The following BAIAP2 variants were observed in gnomAD, a reference collection of about 807,000 sequenced individuals.
BAIAP2 encodes BAR/IMD domain-containing adapter protein 2.
BAIAP2 carries 18 observed loss-of-function variants against 63.0 expected under a neutral mutation model. That is an observed-to-expected ratio of 0.29 (90% CI 0.20 to 0.42). The LOEUF is 0.42. Ranked by LOEUF, BAIAP2 falls within the 10% of genes least tolerant of loss-of-function variation. The pLI is 1.00. For synonymous variants in BAIAP2, 386 were observed against 307.6 expected (o/e 1.25, Z -2.67); for missense variants, 610 against 734.3 (o/e 0.83, Z 1.96).
chr17:81,112,402 G>C (rs1365569397), intron 13 of BAIAP2, among the ~76,000 whole-genome samples: 1 of 152,258 alleles, frequency 6.6e-6, no homozygotes, highest in Non-Finnish European at 1.5e-5. Flanking sequence ...CAACTCAGCT[G>C]GGATTGGGGG....
chr17:81,092,564 A>G (rs538175233), intron 6 of BAIAP2, among the ~76,000 whole-genome samples: 2 of 152,012 alleles, frequency 1.3e-5, no homozygotes, highest in East Asian at 2.0e-4. Flanking sequence ...TGTAATTGAG[A>G]TGGTGTTTTG....
intron 7 of BAIAP2, among the ~76,000 whole-genome samples, chr17:81,102,162 C>T (rs961915404): frequency 8.5e-5 from 13 of 152,308 alleles, no homozygotes; most frequent in African/African-American, 2.2e-4. Context: ...CACTTAGAGA[C>T]GAGCCTCTGG....
At position 81,111,038 on chromosome 17, in the gene BAIAP2, C is replaced by G. The variant is rs1357037740; in HGVS notation, c.1535+2529C>G. The G allele has an allele frequency of 3.2e-6, 5 of 1,569,104 alleles. No homozygotes were observed. The African/African-American group carries it at 6.8e-5, about 21-fold the overall frequency. On this transcript the variant is annotated intron_variant, in intron 13 of 13. Transcript: ENST00000428708. ...GGGCCCTCTGGCCTCAGTCACGCAGCCTGGGTGGGGAGGGCCCGGCTGCAT... is the reference window on the plus strand; with the variant it reads ...GGGCCCTCTGGCCTCAGTCACGCAGGCTGGGTGGGGAGGGCCCGGCTGCAT...
At chr17:81,066,068 G>T (rs528338762) in intron 3 of BAIAP2, among the ~76,000 whole-genome samples, 8 of 152,372 alleles carry the variant, frequency 5.3e-5, no homozygotes, top group Admixed American at 1.3e-4. Context: ...TTGTCCAACT[G>T]CTCTGTGGCC....
At chr17:81,100,156 C>G in intron 7 of BAIAP2, 76 bp downstream of exon 7, 2 of 1,503,700 alleles carry the variant, frequency 1.3e-6, no homozygotes, top group Non-Finnish European at 1.8e-6. Flanking sequence ...TGCCCCAGCC[C>G]CAGCCCCGTG....
At chr17:81,103,476 C>T (rs772298350) in intron 7 of BAIAP2, 26 bp from the exon 8 acceptor site, 7 of 1,540,938 alleles carry the variant, frequency 4.5e-6, no homozygotes, top group South Asian at 2.4e-5. Context: ...GCCCTGACCC[C>T]TCCCTTCCTG....
intron 6 of BAIAP2, among the ~76,000 whole-genome samples, chr17:81,093,102 G>A (rs1258795265): frequency 9.7e-6 from 1 of 102,866 alleles, no homozygotes; most frequent in East Asian, 3.0e-4. Flanking sequence ...GGCTGGGCTG[G>A]GCTGGGCTGG....
At chr17:81,089,192 C>T (rs191595219) in intron 6 of BAIAP2, among the ~76,000 whole-genome samples, 82 of 152,376 alleles carry the variant, frequency 5.4e-4, no homozygotes, top group African/African-American at 1.7e-3. Context: ...TGTCTGTTTG[C>T]TGCATGTCCT....
In BAIAP2 at chr17:81,106,904, C is replaced by T; in HGVS notation, c.1497C>T (p.Ser499=). 5.8e-6 allele frequency: 9 copies of T among 1,544,608 alleles called. No individual in the cohort carries two copies. Among genetic ancestry groups the T allele is most frequent in the South Asian group, 2.5e-5 (2 of 81,066 alleles). The change falls in exon 12 of 14, where the codon TCC becomes TCT. Residue 499 remains serine (S), a synonymous_variant. Transcript: ENST00000428708. ...ACAGTGTGGCCGTGCCCGCCTTCTC[C>T]CAGGTCAGTGGGCGGGGCCGGGGCT... ...RPYSVAVPAF[S]QGLDDYGARS... is the part of the protein sequence containing the mutation.
intron 2 of BAIAP2, among the ~76,000 whole-genome samples, chr17:81,056,946 G>GCGTTTTTCTGCTGTTGCGTTT: frequency 6.6e-6 from 1 of 152,328 alleles, no homozygotes; most frequent in Non-Finnish European, 1.5e-5. Flanking sequence ...TTTTTCTTTT[G>GCGTTTTTCTGCTGTTGCGTTT]TTCGAGGCAG....
At position 81,110,154 on chromosome 17, in the gene BAIAP2, T is replaced by G. The variant is rs1389799211; in HGVS notation, c.1535+1645T>G. 11 of 985,502 alleles carry G rather than the reference T, an allele frequency of 1.1e-5. No individual in the cohort carries two copies. The Admixed American group carries it at 2.5e-4, about 22-fold the overall frequency. 61.0% of individuals were successfully genotyped at this position (985,502 alleles called of 1,614,324 possible). On this transcript the variant is annotated intron_variant, in intron 13 of 13. Coordinates refer to ENST00000428708, the MANE Select transcript of BAIAP2 (RefSeq NM_001144888.2). ...AGCCCCTGGGAAGCTGCGGCGCTCC[T>G]TTATCTGATGTGGTTTAGTAAAAGC...
At chr17:81,082,772 G>A (rs1191075886) in intron 3 of BAIAP2, among the ~76,000 whole-genome samples, 1 of 152,232 alleles carries the variant, frequency 6.6e-6, no homozygotes, top group African/African-American at 2.4e-5. Flanking sequence ...GCCAGGAGGT[G>A]CCTGAGATGC....
At chr17:81,036,401 G>T (rs2046272692) in intron 1 of BAIAP2, among the ~76,000 whole-genome samples, 1 of 152,230 alleles carries the variant, frequency 6.6e-6, no homozygotes, top group South Asian at 2.1e-4. Flanking sequence ...CACCCTGCCC[G>T]GCAGAGTAAC....
intron 1 of BAIAP2, among the ~76,000 whole-genome samples, chr17:81,035,707 CGGGGCGGCG>C (rs564873589): frequency 2.0e-5 from 3 of 151,766 alleles, no homozygotes; most frequent in South Asian, 2.1e-4. Context: ...CGGGCAGGGC[CGGGGCGGCG>C]GGGGCGGCGG....
chr17:81,086,270 ACT>A (rs946780474), intron 5 of BAIAP2, among the ~76,000 whole-genome samples, 171 bp from the exon 6 acceptor site: 6 of 151,558 alleles, frequency 4.0e-5, no homozygotes, highest in Non-Finnish European at 7.4e-5. Context: ...GCTCTCCCCA[ACT>A]CTGATTTGCA....
intron 3 of BAIAP2, among the ~76,000 whole-genome samples, chr17:81,082,389 C>T (rs2054788621): frequency 6.6e-6 from 1 of 152,214 alleles, no homozygotes; most frequent in Non-Finnish European, 1.5e-5. Flanking sequence ...TTCACGGTGG[C>T]CAGGCCCAGG....
intron 7 of BAIAP2, among the ~76,000 whole-genome samples, chr17:81,100,498 C>T (rs2058342540): frequency 6.6e-6 from 1 of 152,096 alleles, no homozygotes; most frequent in Non-Finnish European, 1.5e-5. Context: ...TTCCTGTGGC[C>T]CCTCTATCCA....
intron 3 of BAIAP2, among the ~76,000 whole-genome samples, chr17:81,071,200 G>A (rs2052586621): frequency 2.0e-5 from 3 of 152,196 alleles, no homozygotes; most frequent in Non-Finnish European, 2.9e-5. Flanking sequence ...AGAAGCTGGT[G>A]GCTGGAGGGC....
chr17:81,110,694 C>T (rs540148561), intron 13 of BAIAP2, among the ~76,000 whole-genome samples: 30 of 152,330 alleles, frequency 2.0e-4, no homozygotes, highest in Non-Finnish European at 2.8e-4. Context: ...TGCGGGGGGC[C>T]GTCTGCAGCT....
Sources: allele counts gnomAD v4.1 joint callset (sites outside exome capture counted in the v4.1 genomes callset), GRCh38; gene constraint gnomAD v4.1.1; transcripts MANE v1.5; gene names NCBI Gene and HGNC (gene_info 2026-07-23, HGNC 2026-07-21).